The following AASS variants were observed in gnomAD, a reference collection of about 807,000 sequenced individuals.
AASS encodes the protein alpha-aminoadipic semialdehyde synthase, mitochondrial.
A neutral mutation model predicts 105.4 loss-of-function variants in AASS; 86 were observed. The ratio of observed to expected loss-of-function variants is 0.82; its 90% confidence interval spans 0.69 to 0.98. The LOEUF (loss-of-function observed/expected upper bound fraction) is 0.98. AASS is among the 50% of genes least tolerant of loss of function. The pLI, the probability that AASS is intolerant of heterozygous loss-of-function variation, is 0.00. For missense variants in AASS, 1,048 were observed against 1,143.2 expected (o/e 0.92, Z 1.20); for synonymous variants, 381 against 394.8 (o/e 0.96, Z 0.41).
chr7:122,092,221 C>T (rs138434014), intron 17 of AASS, among the ~76,000 whole-genome samples: 83 of 151,642 alleles, frequency 5.5e-4, no homozygotes, highest in African/African-American at 1.8e-3. Flanking sequence ...CTGAATCATC[C>T]CATTTACACC....
chr7:122,097,448 G>T (rs2150520890), intron 15 of AASS, among the ~76,000 whole-genome samples: 1 of 152,026 alleles, frequency 6.6e-6, no homozygotes, highest in South Asian at 2.1e-4. Flanking sequence ...TGGGGGTATG[G>T]TGTACAGATT....
intron 18 of AASS, 74 bp downstream of exon 18, chr7:122,091,629 G>A: frequency 6.2e-7 from 1 of 1,607,860 alleles, no homozygotes; most frequent in Non-Finnish European, 8.5e-7. Flanking sequence ...AAGGGTTTGG[G>A]ATCAGGGAGT....
At chr7:122,132,689 A>T (rs1160563640) in intron 2 of AASS, among the ~76,000 whole-genome samples, 1 of 152,192 alleles carries the variant, frequency 6.6e-6, no homozygotes, top group Admixed American at 6.5e-5. Flanking sequence ...TTTTGGCATG[A>T]ATATAACATA....
intron 19 of AASS, among the ~76,000 whole-genome samples, chr7:122,082,379 C>T (rs892782175): frequency 2.6e-5 from 4 of 152,176 alleles, no homozygotes; most frequent in Non-Finnish European, 5.9e-5. Flanking sequence ...GTTGTGGCCA[C>T]ACTTCTTCAT....
chr7:122,114,346 C>T (rs1183024994), intron 9 of AASS, among the ~76,000 whole-genome samples: 3 of 152,332 alleles, frequency 2.0e-5, no homozygotes, highest in East Asian at 1.9e-4. Flanking sequence ...AATGCTTCTG[C>T]TTTCTTCTAA....
chr7:122,101,817 G>A (rs1022877856), intron 11 of AASS, 137 bp from the exon 12 acceptor site: 1 of 708,212 alleles, frequency 1.4e-6, no homozygotes, highest in Non-Finnish European at 2.5e-6. Flanking sequence ...CCGAGTATAA[G>A]TGATTGCTAA....
intron 9 of AASS, among the ~76,000 whole-genome samples, chr7:122,114,649 A>G (rs893310809): frequency 1.3e-5 from 2 of 152,260 alleles, no homozygotes; most frequent in South Asian, 4.1e-4. Context: ...AACAGACTAG[A>G]GATAGAGATG....
At chr7:122,098,929 T>C in intron 13 of AASS, 63 bp from the exon 14 acceptor site, 1 of 1,413,664 alleles carries the variant, frequency 7.1e-7, no homozygotes, top group Non-Finnish European at 9.3e-7. Flanking sequence ...TTTTTTTAAA[T>C]AACAGAATCT....
At chr7:122,096,736 C>T (rs896715067) in intron 15 of AASS, among the ~76,000 whole-genome samples, 25 of 152,070 alleles carry the variant, frequency 1.6e-4, no homozygotes, top group African/African-American at 5.5e-4. Flanking sequence ...AAATATAAAA[C>T]AGTTTTTGCT....
At chr7:122,140,260 C>T (rs192287661) in intron 1 of AASS, among the ~76,000 whole-genome samples, 77 of 151,756 alleles carry the variant, frequency 5.1e-4, no homozygotes, top group African/African-American at 1.8e-3. Flanking sequence ...CTGAGGCAGG[C>T]GGATCACGAG....
chr7:122,091,153 C>T (rs1420631647), intron 18 of AASS, among the ~76,000 whole-genome samples: 2 of 152,184 alleles, frequency 1.3e-5, no homozygotes, highest in Non-Finnish European at 2.9e-5. Flanking sequence ...CTTGGACATG[C>T]TCTCTGAGCC....
At chr7:122,082,903 C>G (rs1324106381) in intron 19 of AASS, 1 of 1,252,302 alleles carries the variant, frequency 8.0e-7, no homozygotes, top group African/African-American at 1.5e-5. Context: ...TAAAAGAGAA[C>G]AAATGGCTGG....
chr7:122,134,462 A>G (rs1165033593), intron 1 of AASS, among the ~76,000 whole-genome samples: 1 of 152,070 alleles, frequency 6.6e-6, no homozygotes. Flanking sequence ...GGCTCAAGTG[A>G]TCCTCCAGCC....
intron 15 of AASS, among the ~76,000 whole-genome samples, chr7:122,093,452 C>T (rs1176315308): frequency 1.3e-5 from 2 of 152,168 alleles, no homozygotes; most frequent in Non-Finnish European, 2.9e-5. Context: ...CACAGGCACT[C>T]ACATATTCAT....
rs947347170 is a variant in AASS at position 122,073,634 on chromosome 7, T to C, written c.*2855A>G. ...ATTCAAAGTATACAATTCAGTGGTT[T>C]TTAGTATATTCAGAGTTGTGCCACC... On this transcript the variant is annotated 3_prime_UTR_variant, in exon 24 of 24. Transcript: ENST00000417368. 6.6e-6 allele frequency among the ~76,000 whole-genome samples: 1 copy of C among 152,194 alleles called. No individual in the cohort carries two copies. Among genetic ancestry groups the C allele is most frequent in the Non-Finnish European group, 1.5e-5 (1 of 68,028 alleles).
At chr7:122,097,070 T>G (rs1427557325) in intron 15 of AASS, among the ~76,000 whole-genome samples, 1 of 152,096 alleles carries the variant, frequency 6.6e-6, no homozygotes, top group East Asian at 1.9e-4. Context: ...TTATATAAAT[T>G]GAGTAACATT....
intron 4 of AASS, among the ~76,000 whole-genome samples, 197 bp downstream of exon 4, chr7:122,126,178 T>C (rs1795648021): frequency 1.3e-5 from 2 of 152,228 alleles, no homozygotes; most frequent in Non-Finnish European, 2.9e-5. Context: ...TTCCTTTGAA[T>C]TTTTGCAATA....
chr7:122,080,361 T>A (rs577292493), intron 20 of AASS, among the ~76,000 whole-genome samples: 25 of 152,302 alleles, frequency 1.6e-4, no homozygotes, highest in Admixed American at 1.3e-3. Flanking sequence ...TTGGTTTATG[T>A]ATCGTCTATG....
In AASS at chr7:122,118,585, AAAGC is replaced by A; in HGVS notation, c.514_517del (p.Ala172TrpfsTer37). 6.2e-7 allele frequency: 1 copy of A among 1,614,122 alleles called. No homozygotes were observed. The highest frequency in any genetic ancestry group is 1.7e-5 in the Admixed American group (1 of 60,000). ...TACCATAAAAGGTGTGTGATGTCCC[AAAGC>A]AAGGAGCCTTAAACCCATTCCATGT... On this transcript the variant is annotated frameshift_variant, in exon 5 of 24. Coordinates refer to ENST00000417368, the MANE Select transcript of AASS (RefSeq NM_005763.4). LOFTEE classifies it high-confidence loss of function.
Sources: gnomAD v4.1 joint callset for allele counts (sites outside exome capture counted in the v4.1 genomes callset) on GRCh38, gnomAD v4.1.1 for gene constraint, MANE v1.5 for transcripts, NCBI Gene and HGNC (gene_info 2026-07-23, HGNC 2026-07-21) for gene names.